MLPH: variants seen among roughly 807,000 people sequenced by gnomAD.
The protein encoded by MLPH is melanophilin, also known as exophilin-3.
A neutral mutation model predicts 72.1 loss-of-function variants in MLPH; 51 were observed. The ratio of observed to expected loss-of-function variants is 0.71; its 90% CI spans 0.56 to 0.89. MLPH has a LOEUF of 0.89. Among genes scored for constraint, MLPH ranks in the 40% least tolerant of loss-of-function variants. MLPH has a pLI of 0.00. For missense variants in MLPH, 743 were observed against 759.9 expected, an observed-to-expected ratio of 0.98 and a Z score of 0.26; for synonymous variants, 301 against 310.1, an observed-to-expected ratio of 0.97 and a Z score of 0.31.
intron 6 of MLPH, among the ~76,000 whole-genome samples, chr2:237,524,505 G>A (rs143183581): frequency 0.011 from 1,651 of 151,894 alleles, 16 homozygotes; most frequent in South Asian, 0.033. Context: ...CTGTCTTGTC[G>A]CTTCACGTTT....
intron 15 of MLPH, among the ~76,000 whole-genome samples, chr2:237,552,754 A>G (rs1021960768): frequency 6.6e-6 from 1 of 152,242 alleles, no homozygotes. Flanking sequence ...GAGAGAGGTT[A>G]AGTAAAAAAC....
chr2:237,489,628 C>T (rs913362168), intron 1 of MLPH, among the ~76,000 whole-genome samples: 3 of 152,186 alleles, frequency 2.0e-5, no homozygotes, highest in African/African-American at 7.2e-5. Flanking sequence ...GCAAGAATAA[C>T]ACCACACGAC....
At chr2:237,551,639 G>T (rs1242463556) in intron 14 of MLPH, among the ~76,000 whole-genome samples, 1 of 152,216 alleles carries the variant, frequency 6.6e-6, no homozygotes, top group African/African-American at 2.4e-5. Flanking sequence ...CTCTGCTGAG[G>T]GTCAGCATCT....
chr2:237,546,035 G>C (rs557991940), intron 12 of MLPH, among the ~76,000 whole-genome samples: 1 of 152,190 alleles, frequency 6.6e-6, no homozygotes, highest in African/African-American at 2.4e-5. Flanking sequence ...ATCTTAGGGG[G>C]ACATGAGACA....
chr2:237,520,122 G>A, intron 6 of MLPH, 93 bp downstream of exon 6: 12 of 1,550,256 alleles, frequency 7.7e-6, no homozygotes, highest in Non-Finnish European at 1.1e-5. Context: ...TCTGGAAGCA[G>A]TGTCTGATGG....
intron 14 of MLPH, 90 bp downstream of exon 14, chr2:237,549,368 A>G (rs758375814): frequency 2.3e-5 from 28 of 1,208,750 alleles, no homozygotes; most frequent in East Asian, 1.4e-4. Context: ...GTGTTTCTTC[A>G]TTATCTGTGG....
chr2:237,532,961 C>G (rs771870044), intron 8 of MLPH, among the ~76,000 whole-genome samples: 1 of 152,202 alleles, frequency 6.6e-6, no homozygotes, highest in Non-Finnish European at 1.5e-5. Context: ...CTTCTGCAGC[C>G]CGGCAGGCCC....
chr2:237,540,717 G>A, intron 10 of MLPH, 85 bp from the exon 11 acceptor site: 1 of 1,563,750 alleles, frequency 6.4e-7, no homozygotes, highest in East Asian at 2.3e-5. Context: ...TCAGAGAGGA[G>A]AGCAATATCG....
chr2:237,491,138 G>C (rs1352802002), intron 1 of MLPH, among the ~76,000 whole-genome samples: 6 of 152,142 alleles, frequency 3.9e-5, no homozygotes, highest in Non-Finnish European at 8.8e-5. Flanking sequence ...GGGGAGTTTT[G>C]TTAGTATTTT....
At chr2:237,504,177 A>G (rs1178457413) in intron 2 of MLPH, among the ~76,000 whole-genome samples, 3 of 152,316 alleles carry the variant, frequency 2.0e-5, no homozygotes, top group South Asian at 2.1e-4. Context: ...CAGAGCTGTC[A>G]GGTAATGCAT....
At chr2:237,530,746 G>A (rs7586312) in intron 8 of MLPH, among the ~76,000 whole-genome samples, 43,080 of 152,170 alleles carry the variant, frequency 0.28, 6,180 homozygotes, top group South Asian at 0.39. Context: ...AACTCCTTTT[G>A]TGTAACAGCA....
chr2:237,525,457 C>T, intron 6 of MLPH, 144 bp from the exon 7 acceptor site: 1 of 739,566 alleles, frequency 1.4e-6, no homozygotes, highest in South Asian at 1.6e-5. Context: ...AACTGAGTGG[C>T]AGGGGCCAGC....
At chr2:237,538,396 G>A (rs2080585569) in intron 9 of MLPH, among the ~76,000 whole-genome samples, 1 of 152,244 alleles carries the variant, frequency 6.6e-6, no homozygotes, top group Non-Finnish European at 1.5e-5. Flanking sequence ...GGACGGATGG[G>A]TCTTGGGGCT....
At chr2:237,515,890 C>T (rs1344876445) in intron 4 of MLPH, among the ~76,000 whole-genome samples, 1 of 152,212 alleles carries the variant, frequency 6.6e-6, no homozygotes, top group Non-Finnish European at 1.5e-5. Context: ...CCCACTCTCA[C>T]TCACTGCGAG....
rs767593922 is a variant in MLPH, at chr2:237,510,942, G to A, written c.333-47G>A. 4.5e-6 allele frequency: 7 copies of A among 1,559,640 alleles called. No homozygotes were observed. The highest frequency in any genetic ancestry group is 1.7e-4 in the Middle Eastern group (1 of 5,982). On this transcript the variant is annotated intron_variant, in intron 3 of 15. Coordinates refer to ENST00000264605, the MANE Select transcript of MLPH (RefSeq NM_024101.7). This position sits in a 1 kb window ranked among gnomAD's most constrained non-coding sequence, Gnocchi z 4.4. ...GTGTGTGTGAGATTTATGCAGGCCT[G>A]TGTACAGCACTCAGGCAGTGCCATG...
intron 2 of MLPH, among the ~76,000 whole-genome samples, chr2:237,498,840 A>T (rs2079589334): frequency 6.6e-6 from 1 of 152,176 alleles, no homozygotes; most frequent in East Asian, 1.9e-4. Flanking sequence ...CAAAATTAGG[A>T]TGTTAGCACC....
intron 14 of MLPH, among the ~76,000 whole-genome samples, chr2:237,550,475 C>T (rs1486113219): frequency 6.6e-6 from 1 of 152,186 alleles, no homozygotes; most frequent in Non-Finnish European, 1.5e-5. Context: ...AGCAGGGGCT[C>T]CTGGAGAGCC....
rs1347442522 is a variant in MLPH at position 237,546,617 on chromosome 2, T to G, written c.1551T>G (p.Pro517=). The change falls in exon 13 of 16, where the codon CCT becomes CCG. Residue 517 remains proline, a synonymous_variant. Coordinates refer to ENST00000264605, the MANE Select transcript of MLPH (RefSeq NM_024101.7). ...RRKSNLPIFL[P]RVAGKLGKRP... ...TCTTTGCCCTCCAGATATTTCTCCC[T>G]CGAGTGGCTGGGAAACTTGGCAAGA... is the stretch of plus-strand genomic sequence containing the variant. 1 of 1,614,118 alleles carries G rather than the reference T, an allele frequency of 6.2e-7. No individual in the cohort carries two copies. The highest frequency in any genetic ancestry group is 1.6e-4 in the Middle Eastern group (1 of 6,062).
chr2:237,543,134 A>G (rs1252573132), intron 12 of MLPH, among the ~76,000 whole-genome samples: 6 of 35,612 alleles, frequency 1.7e-4, no homozygotes, highest in Admixed American at 3.2e-4. Flanking sequence ...GAGTGGGCAC[A>G]GTAGTGAGTA....
Sources: gnomAD v4.1 joint callset for allele counts (sites outside exome capture counted in the v4.1 genomes callset) on GRCh38, gnomAD v4.1.1 for gene constraint, Gnocchi (gnomAD v3.1) non-coding constraint, MANE v1.5 for transcripts, NCBI Gene and HGNC (gene_info 2026-07-23, HGNC 2026-07-21) for gene names.